TBC1D30: variants seen among roughly 807,000 people sequenced by gnomAD.
TBC1D30 encodes the protein TBC1 domain family member 30, also known as TBC1 domain family, member 30.
A neutral mutation model predicts 63.2 loss-of-function variants in TBC1D30; 31 were observed. That is an observed-to-expected ratio of 0.49 (90% CI 0.37 to 0.66). TBC1D30 has a LOEUF of 0.66. Among genes scored for constraint, TBC1D30 ranks in the 30% least tolerant of loss-of-function variants. The probability of loss-of-function intolerance (pLI) is 0.00; values close to 1 mark genes in which losing one functional copy is unlikely to be tolerated. For synonymous variants in TBC1D30, 307 were observed against 361.5 expected, an observed-to-expected ratio of 0.85 and a Z score of 1.71; for missense variants, 810 against 953.6, an observed-to-expected ratio of 0.85 and a Z score of 1.98.
At chr12:64,818,340 A>C in intron 2 of TBC1D30, 8 of 909,158 alleles carry the variant, frequency 8.8e-6, no homozygotes, top group Non-Finnish European at 1.1e-5. Context: ...CTTAAGATGT[A>C]GCAAGAATGG....
At chr12:64,759,539 A>G in exon 1 of TBC1D30, 2 of 469,778 alleles carry the variant, frequency 4.3e-6, no homozygotes, top group South Asian at 7.5e-5. Flanking sequence ...GTGGCGGAAA[A>G]GGGGCGGAGA....
rs1334386812 is a variant in TBC1D30 at position 64,767,803 on chromosome 12, G to C, written c.-376+8154G>C. ...CATGCTCCGGCGGGGGGGGGGGGAG[G>C]GGGGGGAGATAGGCTCTATGAAAAT... On this transcript the variant is annotated intron_variant, in intron 1 of 13. Transcript: ENST00000674237. Among the ~76,000 whole-genome samples, 6 of 66,628 alleles carry C rather than the reference G, an allele frequency of 9.0e-5. 1 individual carries two copies. The highest frequency in any genetic ancestry group is 2.7e-4 in the African/African-American group (5 of 18,440). The allele number at this position is 66,628 out of a possible 152,430, so 43.7% of individuals were successfully genotyped here.
intron 2 of TBC1D30, 66 bp downstream of exon 2, chr12:64,827,962 C>G: frequency 9.3e-7 from 1 of 1,075,518 alleles, no homozygotes; most frequent in African/African-American, 1.6e-5. Context: ...GATATATTCT[C>G]AAAGTGGAAA....
intron 2 of TBC1D30, among the ~76,000 whole-genome samples, chr12:64,795,829 G>A (rs138623951): frequency 9.2e-5 from 13 of 141,568 alleles, no homozygotes; most frequent in Middle Eastern, 4.0e-3. Context: ...TCAATCTTCC[G>A]TCTTACCCAG....
At chr12:64,765,490 CAA>C (rs60489979) in intron 1 of TBC1D30, among the ~76,000 whole-genome samples, 63 of 17,572 alleles carry the variant, frequency 3.6e-3, no homozygotes, top group African/African-American at 4.7e-3. Flanking sequence ...AGACTGTCTC[CAA>C]AAAAAAAAAA....
chr12:64,824,709 T>C lies in TBC1D30; in HGVS notation c.-171T>C. 1 of 885,490 alleles carries C rather than the reference T, an allele frequency of 1.1e-6. No individual in the cohort carries two copies. Among genetic ancestry groups the C allele is most frequent in the Non-Finnish European group, 1.6e-6 (1 of 617,578 alleles). 54.9% of individuals were successfully genotyped at this position (885,490 alleles called of 1,614,324 possible). On this transcript the variant is annotated 5_prime_UTR_variant, in exon 1 of 12. Transcript: ENST00000539867. ...TCCCTGCGCTCGGCGGCTCCCGCGG[T>C]GCCCCGTAAGTCCCCGTGACCCTCC...
rs1462208575 is a variant in TBC1D30 at position 64,838,667 on chromosome 12, G to A, written c.764-16G>A. 2 of 1,536,230 alleles carry A rather than the reference G, an allele frequency of 1.3e-6. No individual in the cohort carries two copies. Among genetic ancestry groups the A allele is most frequent in the South Asian group, 1.2e-5 (1 of 84,012 alleles). On this transcript the variant is annotated splice_polypyrimidine_tract_variant and intron_variant, in intron 6 of 11. Coordinates refer to ENST00000539867, the MANE Select transcript of TBC1D30 (RefSeq NM_015279.2). ...CATCAGTTCTGAAGGAATTGAATGT[G>A]TTTGTTTTATTTCAGGTGGATATGA... is the stretch of plus-strand genomic sequence containing the variant.
At position 64,812,753 on chromosome 12, in the gene TBC1D30, AT is replaced by A. The variant is rs113925138; in HGVS notation, c.644-15069del. 2.8e-3 allele frequency among the ~76,000 whole-genome samples: 401 copies of A among 145,660 alleles called. 1 individual carries two copies. Among genetic ancestry groups the A allele is most frequent in the Middle Eastern group, 3.7e-3 (1 of 272 alleles). ...ACTTAAACTTTGCTGTGAAAGATTGATTTTTTTTTTTTTGCTTGCAGTGATC... is the reference window on the plus strand; with the variant it reads ...ACTTAAACTTTGCTGTGAAAGATTGATTTTTTTTTTTTGCTTGCAGTGATC... On this transcript the variant is annotated intron_variant, in intron 2 of 12. Coordinates refer to the TBC1D30 transcript ENST00000542120.
chr12:64,776,797 A>G (rs1215641923), upstream of TBC1D30, among the ~76,000 whole-genome samples: 4 of 152,228 alleles, frequency 2.6e-5, no homozygotes, highest in Non-Finnish European at 5.9e-5. Context: ...TGGCAGAGAT[A>G]CAACAACTAC....
rs531696277 is a variant in TBC1D30, at chr12:64,869,921, G to A, written c.1292-681G>A. Among the ~76,000 whole-genome samples, 9 of 152,246 alleles carry A rather than the reference G, an allele frequency of 5.9e-5. No homozygotes were observed. In the South Asian group the frequency reaches 1.0e-3, roughly 18 times the overall value. ...GTGCTGGAGAAGCTTGCTGTCTCCC[G>A]CTTTGGCCTGTGTAGTCTGTGGGTT... On this transcript the variant is annotated intron_variant, in intron 10 of 11. Coordinates refer to ENST00000539867, the MANE Select transcript of TBC1D30 (RefSeq NM_015279.2).
At chr12:64,841,514 T>G (rs1875867935) in intron 7 of TBC1D30, among the ~76,000 whole-genome samples, 1 of 152,174 alleles carries the variant, frequency 6.6e-6, no homozygotes, top group Non-Finnish European at 1.5e-5. Flanking sequence ...CACTCCCTAT[T>G]AAAGCCTTTT....
At chr12:64,867,415 A>AT (rs1206538471) in intron 10 of TBC1D30, among the ~76,000 whole-genome samples, 1 of 151,754 alleles carries the variant, frequency 6.6e-6, no homozygotes, top group Non-Finnish European at 1.5e-5. Context: ...AGCCGAGATC[A>AT]TGCCACTGCG....
chr12:64,774,397 A>G (rs1206691012), intron 1 of TBC1D30, among the ~76,000 whole-genome samples: 1 of 152,184 alleles, frequency 6.6e-6, no homozygotes. Flanking sequence ...AACTTCCCCA[A>G]CCTAGCTAGA....
chr12:64,825,262 G>A, intron 1 of TBC1D30: 2 of 487,882 alleles, frequency 4.1e-6, no homozygotes, highest in Non-Finnish European at 6.9e-6. Context: ...AGAACCCGCT[G>A]CTTCCACCCT....
At position 64,876,774 on chromosome 12, in the gene TBC1D30, G is replaced by C. The variant is rs1879115622; in HGVS notation, c.*986G>C. The C allele has an allele frequency of 4.4e-6, 2 of 455,932 alleles. No individual in the cohort carries two copies. Among genetic ancestry groups the C allele is most frequent in the Non-Finnish European group, 8.8e-6 (2 of 226,788 alleles). The allele number at this position is 455,932 out of a possible 1,614,324, so 28.2% of individuals were successfully genotyped here. A position where few individuals can be genotyped will look rare whatever the true frequency, so the allele number is the denominator to read the frequency against. ...TTGAGTACTTTGTTAATTGAACACT[G>C]CCTTTCTCTGGAGAAGGCCCCAGTG... On this transcript the variant is annotated 3_prime_UTR_variant, in exon 12 of 12. Coordinates refer to ENST00000539867, the MANE Select transcript of TBC1D30 (RefSeq NM_015279.2).
rs912495570 is a variant in TBC1D30, at chr12:64,880,849, A to G, written c.*5061A>G. On this transcript the variant is annotated 3_prime_UTR_variant, in exon 12 of 12. Coordinates refer to ENST00000539867, the MANE Select transcript of TBC1D30 (RefSeq NM_015279.2). ...GTTTCTTAGTGTTTACATCCTTGCT[A>G]TAACAATTCTAGTTTTCCTTTAGGC... The G allele has an allele frequency of 1.3e-5, 2 of 152,202 alleles. No homozygotes were observed. The highest frequency in any genetic ancestry group is 2.9e-5 in the Non-Finnish European group (2 of 68,030). The allele number at this position is 152,202 out of a possible 1,614,324, so 9.4% of individuals were successfully genotyped here. A position where few individuals can be genotyped will look rare whatever the true frequency, so the allele number is the denominator to read the frequency against.
At chr12:64,806,338 G>GA (rs1295190726) in intron 2 of TBC1D30, among the ~76,000 whole-genome samples, 2 of 152,176 alleles carry the variant, frequency 1.3e-5, no homozygotes, top group Non-Finnish European at 2.9e-5. Flanking sequence ...AGTTTTCCTG[G>GA]AAAATGAACC....
intron 8 of TBC1D30, among the ~76,000 whole-genome samples, chr12:64,854,322 C>G (rs978391121): frequency 6.6e-6 from 1 of 152,058 alleles, no homozygotes; most frequent in Non-Finnish European, 1.5e-5. Context: ...CTGATGGCAA[C>G]GTAACACTGG....
chr12:64,807,955 A>G (rs1188212504), intron 2 of TBC1D30, among the ~76,000 whole-genome samples: 2 of 97,868 alleles, frequency 2.0e-5, no homozygotes, highest in African/African-American at 5.3e-5. Flanking sequence ...GGGTCTTCCT[A>G]TGTCTTCCAG....
Sources: gnomAD v4.1 joint callset for allele counts (sites outside exome capture counted in the v4.1 genomes callset) on GRCh38, gnomAD v4.1.1 for gene constraint, MANE v1.5 for transcripts, NCBI Gene and HGNC (gene_info 2026-07-23, HGNC 2026-07-21) for gene names.